The following SCD5 variants were observed in gnomAD, a reference collection of about 807,000 sequenced individuals.
SCD5 encodes stearoyl-CoA desaturase 5.
A neutral mutation model predicts 30.4 loss-of-function variants in SCD5; 20 were observed. The ratio of observed to expected loss-of-function variants is 0.66; its 90% confidence interval spans 0.46 to 0.96. The LOEUF is 0.96. SCD5 is among the 40% of genes least tolerant of loss of function. SCD5 has a pLI of 0.00. For synonymous variants in SCD5, 173 were observed against 176.4 expected, an observed-to-expected ratio of 0.98 and a Z score of 0.16; for missense variants, 381 against 443.3, an observed-to-expected ratio of 0.86 and a Z score of 1.26.
intron 3 of SCD5, among the ~76,000 whole-genome samples, chr4:82,643,446 TAA>T (rs1409013493): frequency 6.6e-6 from 1 of 152,106 alleles, no homozygotes; most frequent in East Asian, 1.9e-4. Context: ...TTGAAAACAT[TAA>T]GATTAGTAAA....
intron 3 of SCD5, among the ~76,000 whole-genome samples, chr4:82,679,779 C>T (rs952692413): frequency 1.3e-5 from 2 of 152,158 alleles, no homozygotes; most frequent in South Asian, 4.1e-4. Flanking sequence ...CTAAGCCATC[C>T]TTCCTTTCAT....
chr4:82,729,535 T>C (rs1045664736), intron 1 of SCD5, among the ~76,000 whole-genome samples: 1 of 152,150 alleles, frequency 6.6e-6, no homozygotes, highest in Non-Finnish European at 1.5e-5. Context: ...AAATACAAGT[T>C]TGTCAGTGGA....
chr4:82,719,096 T>G lies in SCD5; in HGVS notation c.233-13683A>C, dbSNP rs147865549. On this transcript the variant is annotated intron_variant, in intron 1 of 4. Transcript: ENST00000319540. ...CCAACCCACAGATTTTTTAAAAAAC[T>G]GATCCAACAATTAAAAATAGGGAAT... is the stretch of plus-strand genomic sequence containing the variant. 2.7e-4 allele frequency among the ~76,000 whole-genome samples: 41 copies of G among 151,948 alleles called. 2 individuals carry two copies. Among genetic ancestry groups the G allele is most frequent in the African/African-American group, 7.8e-4 (32 of 41,212 alleles).
At chr4:82,733,481 A>G (rs1396883728) in intron 1 of SCD5, among the ~76,000 whole-genome samples, 1 of 152,200 alleles carries the variant, frequency 6.6e-6, no homozygotes, top group Non-Finnish European at 1.5e-5. Flanking sequence ...CCTACCTCAT[A>G]GGGTGGTTGT....
chr4:82,735,220 T>A (rs1720724943), intron 1 of SCD5, among the ~76,000 whole-genome samples: 1 of 152,208 alleles, frequency 6.6e-6, no homozygotes, highest in South Asian at 2.1e-4. Context: ...TCTCCCCATG[T>A]CTGTATGGGT....
chr4:82,765,308 T>C (rs556625317), intron 1 of SCD5, among the ~76,000 whole-genome samples: 1 of 152,320 alleles, frequency 6.6e-6, no homozygotes, highest in South Asian at 2.1e-4. Flanking sequence ...ATTAAAGATA[T>C]TACTCCACTG....
intron 1 of SCD5, among the ~76,000 whole-genome samples, chr4:82,718,559 C>G (rs72916900): frequency 2.6e-5 from 4 of 151,724 alleles, no homozygotes; most frequent in Admixed American, 1.3e-4. Context: ...CTGCTCCCCC[C>G]ACCAAAAAGT....
chr4:82,767,365 A>G (rs955057024), intron 1 of SCD5, among the ~76,000 whole-genome samples: 3 of 151,988 alleles, frequency 2.0e-5, no homozygotes, highest in Admixed American at 6.6e-5. Flanking sequence ...TGGCCTCCCC[A>G]GACTTCTAGC....
chr4:82,753,787 C>G (rs896826196), intron 1 of SCD5, among the ~76,000 whole-genome samples: 1 of 151,874 alleles, frequency 6.6e-6, no homozygotes, highest in Admixed American at 6.6e-5. Context: ...CAGCACATAC[C>G]CCCCTGACAG....
intron 3 of SCD5, among the ~76,000 whole-genome samples, chr4:82,676,935 T>C (rs1471203413): frequency 6.6e-6 from 1 of 152,220 alleles, no homozygotes; most frequent in Non-Finnish European, 1.5e-5. Flanking sequence ...TCTTTTAGGG[T>C]CTGGAAGTAT....
chr4:82,786,308 A>T (rs941430905), intron 1 of SCD5, among the ~76,000 whole-genome samples: 2 of 152,108 alleles, frequency 1.3e-5, no homozygotes, highest in Non-Finnish European at 2.9e-5. Context: ...TTTAGGTCAT[A>T]GGCTGCATTT....
chr4:82,668,484 A>G (rs1201203374), intron 3 of SCD5, among the ~76,000 whole-genome samples: 2 of 152,254 alleles, frequency 1.3e-5, no homozygotes, highest in East Asian at 3.8e-4. Context: ...TCACTGTTCA[A>G]TCTACAGCAT....
At chr4:82,677,220 G>A (rs762315120) in intron 3 of SCD5, among the ~76,000 whole-genome samples, 6 of 152,208 alleles carry the variant, frequency 3.9e-5, no homozygotes, top group Non-Finnish European at 7.3e-5. Context: ...CCCTGGGAGT[G>A]TGGTGGAGTC....
chr4:82,671,492 C>T (rs1728322435), intron 3 of SCD5, among the ~76,000 whole-genome samples: 1 of 152,084 alleles, frequency 6.6e-6, no homozygotes, highest in African/African-American at 2.4e-5. Context: ...CATTCTGAGC[C>T]ATAAAAAACA....
intron 3 of SCD5, among the ~76,000 whole-genome samples, chr4:82,679,727 C>T (rs1228085013): frequency 6.6e-6 from 1 of 152,112 alleles, no homozygotes; most frequent in Non-Finnish European, 1.5e-5. Context: ...TACTGCTCCC[C>T]TCAGCGTAAA....
rs70938305 is a variant in SCD5, at chr4:82,700,787, T to TA, written c.363+4495dup. ...GGGTGACGGAGTGAGACCCTGTCTC[T>TA]AAAAAAAAAAAAAAAAAAAAAAAAA... On this transcript the variant is annotated intron_variant, in intron 2 of 4. Coordinates refer to ENST00000319540, the MANE Select transcript of SCD5 (RefSeq NM_001037582.3). Among the ~76,000 whole-genome samples, 52 of 63,774 alleles carry TA rather than the reference T, an allele frequency of 8.2e-4. 2 individuals carry two copies. Among genetic ancestry groups the TA allele is most frequent in the Non-Finnish European group, 1.2e-3 (40 of 32,494 alleles). 41.8% of individuals were successfully genotyped at this position (63,774 alleles called of 152,430 possible).
chr4:82,650,110 T>C (rs548326388), intron 3 of SCD5, among the ~76,000 whole-genome samples: 18 of 152,280 alleles, frequency 1.2e-4, no homozygotes, highest in Middle Eastern at 6.8e-3. Flanking sequence ...GTGCTCTCTA[T>C]AAACTAGGTA....
At chr4:82,746,973 A>C (rs1721001390) in intron 1 of SCD5, among the ~76,000 whole-genome samples, 1 of 149,068 alleles carries the variant, frequency 6.7e-6, no homozygotes, top group Non-Finnish European at 1.5e-5. Flanking sequence ...GGAGAGGAGG[A>C]ACGGGGAACA....
At chr4:82,656,242 C>T (rs1415785856) in intron 3 of SCD5, among the ~76,000 whole-genome samples, 1 of 152,082 alleles carries the variant, frequency 6.6e-6, no homozygotes, top group African/African-American at 2.4e-5. Flanking sequence ...TGCTATCCCT[C>T]CCTTAGCATC....
Sources: gnomAD v4.1 joint callset for allele counts (sites outside exome capture counted in the v4.1 genomes callset) on GRCh38, gnomAD v4.1.1 for gene constraint, MANE v1.5 for transcripts, NCBI Gene and HGNC (gene_info 2026-07-23, HGNC 2026-07-21) for gene names.